Variants in CSMD1 observed in about 807,000 individuals in gnomAD.
CSMD1 encodes the protein CUB and sushi domain-containing protein 1.
Under a neutral mutation model 417.5 loss-of-function variants are expected in CSMD1, and 213 were observed. That is an observed-to-expected ratio of 0.51 (90% CI 0.46 to 0.57). The LOEUF (loss-of-function observed/expected upper bound fraction) is 0.57, where lower values mean the gene tolerates loss of function less well. CSMD1 is among the 20% of genes least tolerant of loss of function. The pLI, the probability that CSMD1 is intolerant of heterozygous loss-of-function variation, is 0.00. For missense variants in CSMD1, 6,923 were observed against 4,529.7 expected, an observed-to-expected ratio of 1.53 and a Z score of -15.17; for synonymous variants, 2,862 against 1,736.8, an observed-to-expected ratio of 1.65 and a Z score of -16.11.
rs758761542 is a variant in CSMD1, at chr8:2,998,234, C to T, written c.8204-50G>A. ...TTGTTAAATATTGAACAGGTCATCA[C>T]TTTCCCTTGGGATTATTAATAAGAA... On this transcript the variant is annotated intron_variant, in intron 53 of 69. Coordinates refer to ENST00000635120, the MANE Select transcript of CSMD1 (RefSeq NM_033225.6). 1.2e-5 allele frequency: 19 copies of T among 1,575,188 alleles called. No homozygotes were observed. In the South Asian group the frequency reaches 1.9e-4, roughly 16 times the overall value.
In CSMD1 at chr8:4,702,926, A is replaced by G. The variant is rs570487248; in HGVS notation, c.86-65368T>C. On this transcript the variant is annotated intron_variant, in intron 1 of 69. Transcript: ENST00000635120. ...TTTTCATCATAGACTGTAGACTTCT[A>G]AAATGACAAAATTACCCTTAGGGTC... Among the ~76,000 whole-genome samples, 5 of 152,320 alleles carry G rather than the reference A, an allele frequency of 3.3e-5. No homozygotes were observed. The East Asian group carries it at 9.6e-4, about 29-fold the overall frequency.
intron 5 of CSMD1, among the ~76,000 whole-genome samples, chr8:3,920,411 A>G (rs960970459): frequency 6.6e-6 from 1 of 151,806 alleles, no homozygotes; most frequent in African/African-American, 2.4e-5. Flanking sequence ...CTTTTCTAAG[A>G]CTGTAACATC....
intron 3 of CSMD1, among the ~76,000 whole-genome samples, chr8:4,059,879 T>A (rs1380657044): frequency 6.6e-6 from 1 of 150,856 alleles, no homozygotes; most frequent in African/African-American, 2.4e-5. Flanking sequence ...GAGGAACTGG[T>A]ACCATTCCTT....
chr8:4,247,023 T>C lies in CSMD1; in HGVS notation c.415+172930A>G, dbSNP rs540952484. Among the ~76,000 whole-genome samples, 12 of 152,342 alleles carry C rather than the reference T, an allele frequency of 7.9e-5. No homozygotes were observed. The East Asian group carries it at 2.3e-3, about 29-fold the overall frequency. On this transcript the variant is annotated intron_variant, in intron 3 of 69. Transcript: ENST00000635120. ...AAAACACTCAGCGCCCCATATGTGC[T>C]AAATATCATTCAAAACCTTAAAATA...
chr8:3,800,101 T>C (rs970980716), intron 5 of CSMD1, among the ~76,000 whole-genome samples: 3 of 152,150 alleles, frequency 2.0e-5, no homozygotes, highest in Admixed American at 1.3e-4. Context: ...TGTGCTAAGA[T>C]CCACTGAAGT....
At chr8:4,170,108 C>G (rs1189436951) in intron 3 of CSMD1, among the ~76,000 whole-genome samples, 3 of 151,756 alleles carry the variant, frequency 2.0e-5, no homozygotes, top group Non-Finnish European at 4.4e-5. Flanking sequence ...TATCCCTAAC[C>G]TGTTTTCTCC....
chr8:3,401,541 A>T (rs1334128314), intron 15 of CSMD1, among the ~76,000 whole-genome samples: 1 of 152,206 alleles, frequency 6.6e-6, no homozygotes, highest in Non-Finnish European at 1.5e-5. Flanking sequence ...GTAAGTAAAT[A>T]GTAAGTAATA....
In CSMD1 at chr8:3,225,627, G is replaced by A. The variant is rs74928204; in HGVS notation, c.4346-1760C>T. 6.2e-3 allele frequency among the ~76,000 whole-genome samples: 947 copies of A among 152,244 alleles called. 7 individuals are homozygous for A. The highest frequency in any genetic ancestry group is 0.022 in the African/African-American group (900 of 41,558). ...TGACAGATTCAGGGCACTGGCTACA[G>A]GGTGCTACCAGCAGGAAGAGTTCAG... is the stretch of plus-strand genomic sequence containing the variant. On this transcript the variant is annotated intron_variant, in intron 27 of 69. Transcript: ENST00000635120.
At position 4,077,301 on chromosome 8, in the gene CSMD1, A is replaced by ATATATATG. The variant is rs1554439891; in HGVS notation, c.416-45203_416-45202insCATATATA. On this transcript the variant is annotated intron_variant, in intron 3 of 69. Transcript: ENST00000635120. Reference sequence around the variant, plus strand: ...CACCTATATATATATATATGTGTATATATATATATATATATATATATGGTA... The same window carrying ATATATATG: ...CACCTATATATATATATATGTGTATATATATATGTATATATATATATATATATATGGTA... Among the ~76,000 whole-genome samples, 5 of 73,540 alleles carry ATATATATG rather than the reference A, an allele frequency of 6.8e-5. 1 individual carries two copies. Among genetic ancestry groups the ATATATATG allele is most frequent in the African/African-American group, 1.8e-4 (5 of 27,462 alleles). 48.2% of individuals were successfully genotyped at this position (73,540 alleles called of 152,430 possible).
intron 12 of CSMD1, among the ~76,000 whole-genome samples, chr8:3,462,930 C>A (rs1192978877): frequency 3.3e-5 from 5 of 152,112 alleles, no homozygotes; most frequent in Non-Finnish European, 7.3e-5. Context: ...GGGTGGAGCC[C>A]CTGTGAACAG....
intron 3 of CSMD1, among the ~76,000 whole-genome samples, chr8:4,285,645 T>G (rs1198495957): frequency 2.0e-5 from 3 of 152,308 alleles, no homozygotes; most frequent in African/African-American, 7.2e-5. Context: ...CACAGATGGT[T>G]GGTCTTTGCT....
chr8:3,814,401 A>C (rs530849273), intron 5 of CSMD1, among the ~76,000 whole-genome samples: 1 of 152,328 alleles, frequency 6.6e-6, no homozygotes, highest in South Asian at 2.1e-4. Flanking sequence ...ATCAGGGAGT[A>C]AACTTAAAAA....
intron 3 of CSMD1, among the ~76,000 whole-genome samples, chr8:4,084,269 A>G (rs1051571124): frequency 6.6e-6 from 1 of 152,094 alleles, no homozygotes; most frequent in African/African-American, 2.4e-5. Flanking sequence ...TGAAAAGACA[A>G]AAATTGGAAA....
chr8:3,439,146 AAAAAAACCAAG>A (rs1563390112), intron 12 of CSMD1, among the ~76,000 whole-genome samples: 5 of 129,348 alleles, frequency 3.9e-5, no homozygotes, highest in East Asian at 2.4e-4. Flanking sequence ...AAAAAAAAAA[AAAAAAACCAAG>A]AAAAAAAAAA....
At chr8:3,724,255 A>T (rs1802361694) in intron 6 of CSMD1, among the ~76,000 whole-genome samples, 1 of 151,838 alleles carries the variant, frequency 6.6e-6, no homozygotes, top group South Asian at 2.1e-4. Flanking sequence ...TGTGCAGGTT[A>T]GTTACATATG....
At chr8:3,693,876 T>C (rs1800393027) in intron 7 of CSMD1, among the ~76,000 whole-genome samples, 2 of 151,344 alleles carry the variant, frequency 1.3e-5, no homozygotes, top group African/African-American at 4.9e-5. Context: ...GTGTGTTTCG[T>C]GTATGTTGAA....
chr8:3,331,077 A>G (rs1470230839), intron 23 of CSMD1, among the ~76,000 whole-genome samples: 3 of 152,038 alleles, frequency 2.0e-5, no homozygotes, highest in Non-Finnish European at 4.4e-5. Context: ...TCTCTACTAA[A>G]AATACAAAAA....
At chr8:4,856,963 A>AT (rs1169798876) in intron 1 of CSMD1, among the ~76,000 whole-genome samples, 24 of 151,746 alleles carry the variant, frequency 1.6e-4, no homozygotes, top group Admixed American at 5.9e-4. Flanking sequence ...CAGAATATAC[A>AT]TTTTTTTCAG....
At chr8:4,854,471 C>G (rs900634984) in intron 1 of CSMD1, among the ~76,000 whole-genome samples, 2 of 152,084 alleles carry the variant, frequency 1.3e-5, no homozygotes, top group Non-Finnish European at 2.9e-5. Context: ...ACGCAGAAGA[C>G]GGGTGATTTC....
Sources: gnomAD v4.1 joint callset for allele counts (sites outside exome capture counted in the v4.1 genomes callset) on GRCh38, gnomAD v4.1.1 for gene constraint, MANE v1.5 for transcripts, NCBI Gene and HGNC (gene_info 2026-07-23, HGNC 2026-07-21) for gene names.